The following CTNNA3 variants were observed in gnomAD, a reference collection of about 807,000 sequenced individuals.
CTNNA3 encodes catenin alpha 3, also known as catenin alpha-3.
CTNNA3 carries 76 observed loss-of-function variants against 95.7 expected under a neutral mutation model. That is an observed-to-expected ratio of 0.79 (90% CI 0.66 to 0.96). CTNNA3 has a LOEUF of 0.96. CTNNA3 is among the 40% of genes least tolerant of loss of function. CTNNA3 has a pLI of 0.00. For synonymous variants in CTNNA3, 431 were observed against 374.4 expected, an observed-to-expected ratio of 1.15 and a Z score of -1.74; for missense variants, 1,191 against 1,089.8, an observed-to-expected ratio of 1.09 and a Z score of -1.31.
chr10:66,459,957 G>C lies in CTNNA3; in HGVS notation c.1531+60660C>G, dbSNP rs551936066. Among the ~76,000 whole-genome samples the C allele has an allele frequency of 2.0e-5, 3 of 147,898 alleles. No individual in the cohort carries two copies. In the South Asian group the frequency reaches 6.8e-4, roughly 34 times the overall value. On this transcript the variant is annotated intron_variant, in intron 11 of 17. Transcript: ENST00000433211. Reference sequence around the variant, plus strand: ...AAATTTTGGTTCTTTATTTTAAATGGAACTCACTTTTTGTTATGATGTAAA... The same window carrying C: ...AAATTTTGGTTCTTTATTTTAAATGCAACTCACTTTTTGTTATGATGTAAA...
At chr10:66,006,739 A>C (rs1379574510) in intron 15 of CTNNA3, among the ~76,000 whole-genome samples, 1 of 152,144 alleles carries the variant, frequency 6.6e-6, no homozygotes. Context: ...AAATAATCGC[A>C]TTCAATTTAG....
intron 13 of CTNNA3, among the ~76,000 whole-genome samples, chr10:66,272,276 G>A (rs1009837927): frequency 6.6e-6 from 1 of 152,144 alleles, no homozygotes; most frequent in African/African-American, 2.4e-5. Flanking sequence ...CATTCCATGA[G>A]TCCTGTGAGG....
chr10:66,996,172 TA>T (rs901309362), intron 7 of CTNNA3, among the ~76,000 whole-genome samples: 3 of 152,206 alleles, frequency 2.0e-5, no homozygotes, highest in African/African-American at 7.2e-5. Flanking sequence ...GCTCTGTTGA[TA>T]AATGAAGTTT....
At chr10:67,176,113 A>G (rs1862231684) in intron 7 of CTNNA3, among the ~76,000 whole-genome samples, 1 of 152,148 alleles carries the variant, frequency 6.6e-6, no homozygotes, top group African/African-American at 2.4e-5. Context: ...TGTATTTTTA[A>G]TGAATAAAAA....
At chr10:66,885,894 T>A (rs1845024584) in intron 7 of CTNNA3, among the ~76,000 whole-genome samples, 1 of 152,208 alleles carries the variant, frequency 6.6e-6, no homozygotes, top group Admixed American at 6.6e-5. Flanking sequence ...CAGTTACTGA[T>A]AATCCAATCT....
chr10:67,152,805 T>C (rs1404434161), intron 7 of CTNNA3, among the ~76,000 whole-genome samples: 1 of 152,164 alleles, frequency 6.6e-6, no homozygotes, highest in East Asian at 1.9e-4. Flanking sequence ...ATATAGCTTA[T>C]AGCTGTCTTT....
At chr10:66,936,572 A>G (rs764782939) in intron 7 of CTNNA3, among the ~76,000 whole-genome samples, 9 of 152,066 alleles carry the variant, frequency 5.9e-5, no homozygotes, top group Non-Finnish European at 8.8e-5. Flanking sequence ...AGAATTCCCA[A>G]TCAAATGTTG....
At chr10:67,131,953 C>T (rs746297560) in intron 7 of CTNNA3, among the ~76,000 whole-genome samples, 2 of 152,000 alleles carry the variant, frequency 1.3e-5, no homozygotes, top group African/African-American at 4.8e-5. Flanking sequence ...CTCATATTTC[C>T]ATTACAGAAA....
intron 6 of CTNNA3, among the ~76,000 whole-genome samples, chr10:67,187,745 C>T (rs567320430): frequency 6.6e-6 from 1 of 152,188 alleles, no homozygotes; most frequent in Admixed American, 6.5e-5. Context: ...GCCACCCCAC[C>T]CAGCTAGTTT....
At chr10:67,716,342 C>T (rs990028970) in intron 1 of CTNNA3, among the ~76,000 whole-genome samples, 1 of 151,866 alleles carries the variant, frequency 6.6e-6, no homozygotes, top group Non-Finnish European at 1.5e-5. Context: ...TTTTTTAATA[C>T]TTTAAGTTCT....
chr10:66,199,799 ATATATATTTT>A (rs1254035561), intron 13 of CTNNA3, among the ~76,000 whole-genome samples: 2 of 13,848 alleles, frequency 1.4e-4, no homozygotes, highest in African/African-American at 5.8e-4. Flanking sequence ...ATATATATAT[ATATATATTTT>A]TTTTTTTTTT....
intron 5 of CTNNA3, among the ~76,000 whole-genome samples, chr10:67,359,343 C>T (rs1842921481): frequency 6.6e-6 from 1 of 151,818 alleles, no homozygotes; most frequent in African/African-American, 2.4e-5. Context: ...TGTTTCCTTA[C>T]CTTCAAAAGA....
intron 14 of CTNNA3, among the ~76,000 whole-genome samples, chr10:66,082,994 G>A (rs954761928): frequency 2.0e-5 from 3 of 151,372 alleles, no homozygotes; most frequent in Non-Finnish European, 4.4e-5. Context: ...ATATTTTCCT[G>A]AAGAAAAAGA....
At chr10:67,671,592 G>A (rs1840434775) in intron 1 of CTNNA3, among the ~76,000 whole-genome samples, 1 of 150,712 alleles carries the variant, frequency 6.6e-6, no homozygotes, top group Admixed American at 6.6e-5. Flanking sequence ...TCCCACCTAT[G>A]AGTGAGAACA....
chr10:66,432,913 C>T (rs1275751958), intron 11 of CTNNA3, among the ~76,000 whole-genome samples: 3 of 151,972 alleles, frequency 2.0e-5, no homozygotes, highest in Non-Finnish European at 4.4e-5. Context: ...GTTTTCTGTT[C>T]CTTTGTTAGT....
At chr10:66,628,219 A>C (rs1053759342) in intron 9 of CTNNA3, among the ~76,000 whole-genome samples, 1 of 152,174 alleles carries the variant, frequency 6.6e-6, no homozygotes, top group Non-Finnish European at 1.5e-5. Context: ...CATTGTTAAT[A>C]TAAATTATTG....
rs533977701 is a variant in CTNNA3 at position 67,751,546 on chromosome 10, G to A, written c.-2+11888C>T. On this transcript the variant is annotated intron_variant, in intron 1 of 17. Coordinates refer to the CTNNA3 transcript ENST00000684154. ...AGATAAATAATAAAAAATAATGATC[G>A]TAAAAAAAAAATAGACCGCTAACTA... 8.0e-4 allele frequency among the ~76,000 whole-genome samples: 117 copies of A among 146,470 alleles called. 1 individual carries two copies. The highest frequency in any genetic ancestry group is 2.9e-3 in the African/African-American group (111 of 38,352).
intron 11 of CTNNA3, among the ~76,000 whole-genome samples, chr10:66,426,736 C>G (rs533148694): frequency 2.6e-5 from 4 of 151,516 alleles, no homozygotes; most frequent in African/African-American, 9.7e-5. Context: ...CCTGTTTGGC[C>G]CTCAATGAAG....
chr10:66,216,046 T>G (rs2088510710), intron 13 of CTNNA3, among the ~76,000 whole-genome samples: 1 of 152,270 alleles, frequency 6.6e-6, no homozygotes, highest in African/African-American at 2.4e-5. Flanking sequence ...AAATCCATCT[T>G]GGATGCTAAT....
Sources: allele counts gnomAD v4.1 joint callset (sites outside exome capture counted in the v4.1 genomes callset), GRCh38; gene constraint gnomAD v4.1.1; transcripts MANE v1.5; gene names NCBI Gene and HGNC (gene_info 2026-07-23, HGNC 2026-07-21).